TXK: variants seen among roughly 807,000 people sequenced by gnomAD.
The protein encoded by TXK is TXK tyrosine kinase.
TXK carries 60 observed loss-of-function variants against 81.0 expected under a neutral mutation model. That is an observed-to-expected ratio of 0.74 (90% CI 0.60 to 0.92). The LOEUF (loss-of-function observed/expected upper bound fraction) is 0.92, where lower values mean the gene tolerates loss of function less well. Among genes scored for constraint, TXK ranks in the 40% least tolerant of loss-of-function variants. TXK has a pLI of 0.00. For missense variants in TXK, 581 were observed against 638.3 expected, an observed-to-expected ratio of 0.91 and a Z score of 0.97; for synonymous variants, 203 against 210.7, an observed-to-expected ratio of 0.96 and a Z score of 0.32.
intron 1 of TXK, among the ~76,000 whole-genome samples, chr4:48,132,099 T>A (rs1181482866): frequency 1.3e-5 from 2 of 152,082 alleles, no homozygotes; most frequent in Non-Finnish European, 2.9e-5. Context: ...TGAGGGGATT[T>A]CGCTTAAACA....
chr4:48,066,636 T>C lies in TXK; in HGVS notation c.*1001A>G, dbSNP rs1049390141. Reference sequence around the variant, plus strand: ...GTGCTTTCTCCAGTATCTTTCTTCCTATTGTACTCCTGAAGCACTCAGAAT... The same window carrying C: ...GTGCTTTCTCCAGTATCTTTCTTCCCATTGTACTCCTGAAGCACTCAGAAT... On this transcript the variant is annotated 3_prime_UTR_variant, in exon 15 of 15. Transcript: ENST00000264316. The C allele has an allele frequency of 3.3e-5, 5 of 152,196 alleles. No individual in the cohort carries two copies. The highest frequency in any genetic ancestry group is 1.3e-4 in the Admixed American group (2 of 15,278). The allele number at this position is 152,196 out of a possible 1,614,324, so 9.4% of individuals were successfully genotyped here. A position where few individuals can be genotyped will look rare whatever the true frequency, so the allele number is the denominator to read the frequency against.
At chr4:48,106,928 A>G (rs1280063191) in intron 5 of TXK, among the ~76,000 whole-genome samples, 1 of 152,186 alleles carries the variant, frequency 6.6e-6, no homozygotes, top group Admixed American at 6.5e-5. Context: ...TGATATTTGT[A>G]CAGTTAAAAG....
At chr4:48,113,457 G>C (rs1335782312) in intron 2 of TXK, 148 bp from the exon 3 acceptor site, 1 of 560,362 alleles carries the variant, frequency 1.8e-6, no homozygotes, top group Non-Finnish European at 3.1e-6. Context: ...CCATCTCCCT[G>C]GGCAAATTAC....
At chr4:48,086,679 C>T (rs1163699962) in intron 9 of TXK, 42 bp from the exon 10 acceptor site, 10 of 1,569,690 alleles carry the variant, frequency 6.4e-6, no homozygotes, top group Admixed American at 1.7e-5. Context: ...GAAAGAAAGA[C>T]TGTTAAAATA....
chr4:48,087,176 A>G (rs1293785773), intron 9 of TXK, among the ~76,000 whole-genome samples: 2 of 152,222 alleles, frequency 1.3e-5, no homozygotes, highest in African/African-American at 4.8e-5. Context: ...ATCTAAGAGT[A>G]TAGCTGAAGT....
chr4:48,122,967 G>A (rs892753864), intron 1 of TXK, among the ~76,000 whole-genome samples: 1 of 152,190 alleles, frequency 6.6e-6, no homozygotes, highest in Non-Finnish European at 1.5e-5. Flanking sequence ...TTGGCCACAG[G>A]CCAAGCAGAG....
At chr4:48,111,017 G>T in intron 4 of TXK, among the ~76,000 whole-genome samples, 1 of 152,200 alleles carries the variant, frequency 6.6e-6, no homozygotes, top group East Asian at 1.9e-4. Flanking sequence ...ACGCTGTAAA[G>T]AAATCCTTGA....
chr4:48,102,541 C>T (rs556967515), intron 6 of TXK, among the ~76,000 whole-genome samples: 8 of 152,298 alleles, frequency 5.3e-5, no homozygotes, highest in South Asian at 2.1e-4. Context: ...ACCACAAGAG[C>T]GTAAATTAGT....
intron 11 of TXK, 95 bp from the exon 12 acceptor site, chr4:48,076,561 A>T: frequency 1.0e-6 from 1 of 962,664 alleles, no homozygotes; most frequent in Non-Finnish European, 1.6e-6. Context: ...ACCCCACACT[A>T]CCTCTCTGTG....
In TXK at chr4:48,094,188, T is replaced by C. The variant is rs758851562; in HGVS notation, c.598A>G (p.Ile200Val). Reference sequence around the variant, plus strand: ...TTCTTTTTTATCTGATAATGTTTTATGGCAGCCTCCGTACTTCTACAATCA... The same window carrying C: ...TTCTTTTTTATCTGATAATGTTTTACGGCAGCCTCCGTACTTCTACAATCA... ...MGARRSTEAA[I>V]KHYQIKKNDS... The change falls in exon 8 of 15, where the codon ATA becomes GTA. Residue 200 changes from isoleucine (I) to valine (V), a missense_variant. Transcript: ENST00000264316. 6.2e-6 allele frequency: 10 copies of C among 1,613,694 alleles called. No homozygotes were observed. The Admixed American group carries it at 8.3e-5, about 13-fold the overall frequency.
At chr4:48,097,845 T>C (rs938244613) in intron 6 of TXK, among the ~76,000 whole-genome samples, 5 of 151,122 alleles carry the variant, frequency 3.3e-5, no homozygotes, top group Admixed American at 2.0e-4. Flanking sequence ...CCTCCTGGGT[T>C]CACGCCATTC....
intron 5 of TXK, among the ~76,000 whole-genome samples, chr4:48,106,885 C>T (rs536195104): frequency 5.9e-5 from 9 of 151,702 alleles, no homozygotes; most frequent in South Asian, 2.1e-4. Flanking sequence ...ACTTGTTATC[C>T]GAAGTTGAAG....
rs1717020619 is a variant in TXK, at chr4:48,075,240, AC to A, written c.1238+1161del. Among the ~76,000 whole-genome samples the A allele has an allele frequency of 2.0e-5, 3 of 152,302 alleles. No individual in the cohort carries two copies. In the South Asian group the frequency reaches 6.2e-4, roughly 32 times the overall value. On this transcript the variant is annotated intron_variant, in intron 12 of 14. Coordinates refer to ENST00000264316, the MANE Select transcript of TXK (RefSeq NM_003328.3). ...TGGTGGGATTTAAAAGTGACACAGA[AC>A]CAGTGCTCTTTTCCCCAGGTGGAGC...
chr4:48,087,268 C>T (rs1210946652), intron 9 of TXK, among the ~76,000 whole-genome samples: 1 of 152,094 alleles, frequency 6.6e-6, no homozygotes, highest in Admixed American at 6.5e-5. Context: ...CTCTTGAAAA[C>T]TGTACCAAAC....
intron 1 of TXK, among the ~76,000 whole-genome samples, chr4:48,131,095 G>A: frequency 6.6e-6 from 1 of 152,154 alleles, no homozygotes; most frequent in East Asian, 1.9e-4. Context: ...CAGGGCAACT[G>A]TGAGTTGATG....
intron 6 of TXK, among the ~76,000 whole-genome samples, chr4:48,096,696 T>A (rs1717995377): frequency 6.6e-6 from 1 of 152,148 alleles, no homozygotes; most frequent in Non-Finnish European, 1.5e-5. Context: ...GCCTGGCTAA[T>A]TTTTGTATTT....
intron 1 of TXK, among the ~76,000 whole-genome samples, chr4:48,120,461 C>G (rs1718927734): frequency 6.7e-6 from 1 of 149,818 alleles, no homozygotes; most frequent in Non-Finnish European, 1.5e-5. Flanking sequence ...GATTTGCTCT[C>G]TATTTATTGT....
intron 12 of TXK, among the ~76,000 whole-genome samples, chr4:48,075,208 A>G (rs1438837102): frequency 6.6e-6 from 1 of 152,138 alleles, no homozygotes; most frequent in Non-Finnish European, 1.5e-5. Context: ...CTACTCCCAC[A>G]TTAGGTTGGT....
At chr4:48,101,944 C>T (rs1037666227) in intron 6 of TXK, among the ~76,000 whole-genome samples, 1 of 151,890 alleles carries the variant, frequency 6.6e-6, no homozygotes, top group African/African-American at 2.4e-5. Flanking sequence ...CAGAAAAGAT[C>T]GGTATTCAAA....
Sources: allele counts gnomAD v4.1 joint callset (sites outside exome capture counted in the v4.1 genomes callset), GRCh38; gene constraint gnomAD v4.1.1; transcripts MANE v1.5; gene names NCBI Gene and HGNC (gene_info 2026-07-23, HGNC 2026-07-21).